Variants in CHMP3 observed in about 807,000 individuals in gnomAD.
CHMP3 encodes 25.1 protein.
Under a neutral mutation model 27.4 loss-of-function variants are expected in CHMP3, and 8 were observed. The observed-to-expected ratio is 0.29, with a 90% confidence interval of 0.17 to 0.53. CHMP3 has a LOEUF of 0.53. Ranked by LOEUF, CHMP3 falls within the 20% of genes least tolerant of loss-of-function variation. The probability of loss-of-function intolerance (pLI) is 0.96; values close to 1 mark genes in which losing one functional copy is unlikely to be tolerated. For synonymous variants in CHMP3, 86 were observed against 85.5 expected (o/e 1.01, Z -0.03); for missense variants, 208 against 271.5 (o/e 0.77, Z 1.64).
Position 86,527,799 on chromosome 2 carries a change from A to T in CHMP3, c.286+1419T>A, listed in dbSNP as rs1349396833. Among the ~76,000 whole-genome samples the T allele has an allele frequency of 4.6e-5, 7 of 152,208 alleles. No homozygotes were observed. The East Asian group carries it at 1.2e-3, about 25-fold the overall frequency. On this transcript the variant is annotated intron_variant, in intron 3 of 5. Coordinates refer to ENST00000263856, the MANE Select transcript of CHMP3 (RefSeq NM_016079.4). ...AACATGGCGAAACCCCGTCTCTACT[A>T]AAAATACAAAAATTAGCTGGGAGTA...
At chr2:86,545,837 C>A (rs941404080) in intron 1 of CHMP3, among the ~76,000 whole-genome samples, 2 of 149,102 alleles carry the variant, frequency 1.3e-5, no homozygotes, top group African/African-American at 5.0e-5. Context: ...TCCTCACTTC[C>A]CAGACAGGGC....
At chr2:86,541,454 T>A (rs1467735958) in intron 2 of CHMP3, 2 of 152,140 alleles carry the variant, frequency 1.3e-5, no homozygotes, top group Non-Finnish European at 2.9e-5. Flanking sequence ...TGAACCCTTA[T>A]CTCTATTCTC....
rs1026360259 is a variant in CHMP3 at position 86,550,351 on chromosome 2, C to T, written c.46-8039G>A. Among the ~76,000 whole-genome samples the T allele has an allele frequency of 1.4e-4, 21 of 151,186 alleles. No homozygotes were observed. The East Asian group carries it at 1.6e-3, about 11-fold the overall frequency. On this transcript the variant is annotated intron_variant, in intron 1 of 5. Coordinates refer to ENST00000263856, the MANE Select transcript of CHMP3 (RefSeq NM_016079.4). ...AGACCACGGCAGTACAGTCCAGCCT[C>T]GGCAACAGAGGGAGACGGAGACGGA...
intron 1 of CHMP3, among the ~76,000 whole-genome samples, chr2:86,553,038 T>TGGG (rs1676971887): frequency 8.5e-6 from 1 of 117,324 alleles, no homozygotes; most frequent in African/African-American, 3.4e-5. Context: ...GGCAGCTTGA[T>TGGG]GGGGGATGGT....
intron 3 of CHMP3, among the ~76,000 whole-genome samples, chr2:86,522,394 A>G (rs1381780453): frequency 1.3e-5 from 2 of 152,080 alleles, no homozygotes; most frequent in African/African-American, 4.8e-5. Context: ...TAATCTCCCA[A>G]CAAGCAACAC....
Position 86,510,607 on chromosome 2 carries a change from AAATT to A in CHMP3, c.287-132_287-129del, listed in dbSNP as rs375945323. ...CTCCCGAAGTTATTTGTGTGCCTTT[AAATT>A]AATTACTGTGCTAGTTGACCAAGAG... On this transcript the variant is annotated intron_variant, in intron 3 of 5. Coordinates refer to ENST00000263856, the MANE Select transcript of CHMP3 (RefSeq NM_016079.4). 4.1e-5 allele frequency: 53 copies of A among 1,298,326 alleles called. No homozygotes were observed. In the African/African-American group the frequency reaches 7.2e-4, roughly 18 times the overall value. The allele number at this position is 1,298,326 out of a possible 1,614,324, so 80.4% of individuals were successfully genotyped here.
At chr2:86,508,564 C>T (rs1043178422) in intron 4 of CHMP3, among the ~76,000 whole-genome samples, 1 of 152,086 alleles carries the variant, frequency 6.6e-6, no homozygotes, top group Non-Finnish European at 1.5e-5. Context: ...GTTGTCTTGC[C>T]ACCTGAAAAA....
chr2:86,510,287 C>A, intron 4 of CHMP3, 71 bp downstream of exon 4: 2 of 1,478,452 alleles, frequency 1.4e-6, no homozygotes, highest in Non-Finnish European at 1.8e-6. Flanking sequence ...CACCCTCATC[C>A]CTAGCCCCCT....
At chr2:86,552,047 T>C (rs531438499) in intron 1 of CHMP3, among the ~76,000 whole-genome samples, 8 of 152,302 alleles carry the variant, frequency 5.3e-5, no homozygotes, top group South Asian at 4.1e-4. Context: ...CCAGGATATA[T>C]GCTAGAAAAC....
intron 4 of CHMP3, among the ~76,000 whole-genome samples, chr2:86,508,668 C>A (rs1573234497): frequency 6.6e-6 from 1 of 152,152 alleles, no homozygotes. Context: ...TTGTACTCAG[C>A]CAGGGTACAA....
At chr2:86,532,997 T>C (rs1274446840) in intron 2 of CHMP3, among the ~76,000 whole-genome samples, 1 of 152,248 alleles carries the variant, frequency 6.6e-6, no homozygotes, top group Non-Finnish European at 1.5e-5. Context: ...TGAGAAGCAT[T>C]GGTGTTAGTT....
At chr2:86,563,258 C>A (rs1337592622) in intron 1 of CHMP3, 46 bp downstream of exon 1, 2 of 1,609,984 alleles carry the variant, frequency 1.2e-6, no homozygotes, top group Non-Finnish European at 1.7e-6. Flanking sequence ...CTTCACTACG[C>A]CCCACACAGA....
chr2:86,506,605 G>T (rs1674897472), intron 5 of CHMP3, among the ~76,000 whole-genome samples: 1 of 150,706 alleles, frequency 6.6e-6, no homozygotes, highest in Admixed American at 6.6e-5. Flanking sequence ...GATTTTATTA[G>T]GCATTTAGTT....
intron 2 of CHMP3, among the ~76,000 whole-genome samples, chr2:86,530,040 G>A (rs539796847): frequency 1.1e-4 from 16 of 151,452 alleles, no homozygotes; most frequent in African/African-American, 3.9e-4. Context: ...TGTTGCCCAC[G>A]CTGGAGTGCA....
At chr2:86,534,862 C>T (rs1362671304) in intron 2 of CHMP3, among the ~76,000 whole-genome samples, 1 of 152,164 alleles carries the variant, frequency 6.6e-6, no homozygotes, top group Non-Finnish European at 1.5e-5. Flanking sequence ...TCTAAAGTCT[C>T]ACTCTTGTAG....
At chr2:86,534,255 GTGGCAC>G (rs1425870331) in intron 2 of CHMP3, among the ~76,000 whole-genome samples, 1 of 142,232 alleles carries the variant, frequency 7.0e-6, no homozygotes, top group Non-Finnish European at 1.5e-5. Flanking sequence ...CTGGACTGTG[GTGGCAC>G]AATCTCGGCT....
chr2:86,507,738 C>T (rs1328491197), intron 4 of CHMP3, 145 bp from the exon 5 acceptor site: 10 of 684,806 alleles, frequency 1.5e-5, no homozygotes, highest in East Asian at 1.3e-4. Context: ...AAAGGAAACA[C>T]TGGATGTTGT....
chr2:86,560,220 G>A (rs867219914), intron 1 of CHMP3, among the ~76,000 whole-genome samples: 26 of 152,016 alleles, frequency 1.7e-4, no homozygotes, highest in African/African-American at 4.3e-4. Context: ...AGCTGAGATC[G>A]CGCCACTGCA....
At chr2:86,514,630 G>A (rs961458292) in intron 3 of CHMP3, among the ~76,000 whole-genome samples, 1 of 152,106 alleles carries the variant, frequency 6.6e-6, no homozygotes, top group Non-Finnish European at 1.5e-5. Flanking sequence ...ACAATATGTT[G>A]AATGCATAGA....
Sources: allele counts gnomAD v4.1 joint callset (sites outside exome capture counted in the v4.1 genomes callset), GRCh38; gene constraint gnomAD v4.1.1; transcripts MANE v1.5; gene names NCBI Gene and HGNC (gene_info 2026-07-23, HGNC 2026-07-21).